ERBB4: variants seen among roughly 807,000 people sequenced by gnomAD.
ERBB4 encodes erb-b2 receptor tyrosine kinase 4, also known as receptor tyrosine-protein kinase erbB-4.
ERBB4 carries 42 observed loss-of-function variants against 158.0 expected under a neutral mutation model. The ratio of observed to expected loss-of-function variants is 0.27; its 90% confidence interval spans 0.21 to 0.34. The LOEUF (loss-of-function observed/expected upper bound fraction) is 0.34. ERBB4 is among the 10% of genes least tolerant of loss of function. The pLI is 1.00. For synonymous variants in ERBB4, 583 were observed against 558.7 expected, an observed-to-expected ratio of 1.04 and a Z score of -0.61; for missense variants, 1,333 against 1,624.1, an observed-to-expected ratio of 0.82 and a Z score of 3.08.
At chr2:211,801,859 T>G (rs1315242085) in intron 3 of ERBB4, among the ~76,000 whole-genome samples, 2 of 152,186 alleles carry the variant, frequency 1.3e-5, no homozygotes, top group East Asian at 3.8e-4. Flanking sequence ...ATATCATATT[T>G]GAAAGAATCT....
At chr2:212,460,391 A>G (rs2106066711) in intron 1 of ERBB4, among the ~76,000 whole-genome samples, 1 of 152,288 alleles carries the variant, frequency 6.6e-6, no homozygotes, top group African/African-American at 2.4e-5. Flanking sequence ...AAATGTGGGA[A>G]AGTTTGGAAC....
chr2:212,209,947 A>G (rs2082881274), intron 1 of ERBB4, among the ~76,000 whole-genome samples: 1 of 152,000 alleles, frequency 6.6e-6, no homozygotes, highest in African/African-American at 2.4e-5. Context: ...ACTGACCTGC[A>G]TTGTTTTTCA....
chr2:211,761,253 A>T (rs1265908177), intron 4 of ERBB4, among the ~76,000 whole-genome samples: 1 of 151,808 alleles, frequency 6.6e-6, no homozygotes, highest in Non-Finnish European at 1.5e-5. Flanking sequence ...TTATTTTTTA[A>T]AGGTAGAAAT....
intron 1 of ERBB4, among the ~76,000 whole-genome samples, chr2:212,277,210 G>A (rs1368034312): frequency 2.0e-5 from 3 of 151,758 alleles, no homozygotes; most frequent in Admixed American, 6.6e-5. Flanking sequence ...AAAGATCTAG[G>A]GAAGCATTTC....
rs369789435 is a variant in ERBB4, at chr2:211,704,267, A to C, written c.1199-73T>G. 9.5e-5 allele frequency: 91 copies of C among 957,738 alleles called. No individual in the cohort carries two copies. In the African/African-American group the frequency reaches 1.1e-3, roughly 12 times the overall value. 59.3% of individuals were successfully genotyped at this position (957,738 alleles called of 1,614,324 possible). On this transcript the variant is annotated intron_variant, in intron 10 of 27. Transcript: ENST00000342788. ...TATTAGTGCTGATTTTTCTTGAAATATGGTGAAAATGTGTTGAAAGTTGGG... is the reference window on the plus strand; with the variant it reads ...TATTAGTGCTGATTTTTCTTGAAATCTGGTGAAAATGTGTTGAAAGTTGGG...
intron 1 of ERBB4, among the ~76,000 whole-genome samples, chr2:212,477,156 A>G (rs574951016): frequency 6.6e-6 from 1 of 152,258 alleles, no homozygotes; most frequent in African/African-American, 2.4e-5. Flanking sequence ...TCAAAACTTC[A>G]TTAGGGTCTA....
At chr2:211,693,588 T>A (rs1162018359) in intron 12 of ERBB4, among the ~76,000 whole-genome samples, 1 of 152,132 alleles carries the variant, frequency 6.6e-6, no homozygotes, top group African/African-American at 2.4e-5. Context: ...GATGGGGGAA[T>A]AATATGGGGT....
At chr2:212,529,429 A>G (rs1313955598) in intron 1 of ERBB4, among the ~76,000 whole-genome samples, 1 of 152,216 alleles carries the variant, frequency 6.6e-6, no homozygotes, top group African/African-American at 2.4e-5. Flanking sequence ...AGCGTCTTAG[A>G]AACACACCAC....
intron 2 of ERBB4, among the ~76,000 whole-genome samples, chr2:212,075,075 T>C (rs1438574356): frequency 6.6e-6 from 1 of 151,924 alleles, no homozygotes; most frequent in South Asian, 2.1e-4. Flanking sequence ...ACATCTATTC[T>C]CTTCTCAGCC....
At chr2:211,584,393 A>T (rs11695852) in intron 19 of ERBB4, among the ~76,000 whole-genome samples, 1 of 151,758 alleles carries the variant, frequency 6.6e-6, no homozygotes, top group African/African-American at 2.4e-5. Context: ...GAGCAGAATA[A>T]CAATATGTTT....
At chr2:211,626,007 C>T (rs2069828137) in intron 17 of ERBB4, among the ~76,000 whole-genome samples, 1 of 152,122 alleles carries the variant, frequency 6.6e-6, no homozygotes, top group African/African-American at 2.4e-5. Context: ...TTTACAGACA[C>T]ATGGGTTTAA....
intron 1 of ERBB4, among the ~76,000 whole-genome samples, chr2:212,512,370 A>AC (rs142363075): frequency 6.6e-6 from 1 of 151,978 alleles, no homozygotes; most frequent in Non-Finnish European, 1.5e-5. Context: ...ACAAAAAAAA[A>AC]CAAATATGAT....
chr2:212,239,879 G>C (rs1325300544), intron 1 of ERBB4, among the ~76,000 whole-genome samples: 1 of 152,100 alleles, frequency 6.6e-6, no homozygotes, highest in Non-Finnish European at 1.5e-5. Context: ...CTTTTTAGAG[G>C]GGGAAAATCA....
chr2:212,202,589 C>T (rs1010304370), intron 1 of ERBB4, among the ~76,000 whole-genome samples: 8 of 152,034 alleles, frequency 5.3e-5, no homozygotes, highest in Admixed American at 1.3e-4. Context: ...AGTCCTCCCA[C>T]CTAAGCCTCC....
In ERBB4 at chr2:211,399,709, T is replaced by C. The variant is rs1387955566; in HGVS notation, c.3136-11717A>G. On this transcript the variant is annotated intron_variant, in intron 25 of 27. Coordinates refer to ENST00000342788, the MANE Select transcript of ERBB4 (RefSeq NM_005235.3). ...ATGCGATGAACATTTCACATTCAGC[T>C]ATAAAACTTCAAGATTCTATCACTA... Among the ~76,000 whole-genome samples, 12 of 152,256 alleles carry C rather than the reference T, an allele frequency of 7.9e-5. No individual in the cohort carries two copies. In the East Asian group the frequency reaches 2.1e-3, roughly 27 times the overall value.
At chr2:211,647,850 A>G (rs1246482070) in intron 16 of ERBB4, among the ~76,000 whole-genome samples, 1 of 151,740 alleles carries the variant, frequency 6.6e-6, no homozygotes, top group East Asian at 1.9e-4. Context: ...ACTCCCTTCT[A>G]GAACATTTTC....
intron 25 of ERBB4, among the ~76,000 whole-genome samples, chr2:211,401,351 TTTTTTACAGAGTA>T (rs2063038504): frequency 2.0e-5 from 3 of 152,076 alleles, no homozygotes; most frequent in Admixed American, 2.0e-4. Context: ...GAAATTCACA[TTTTTTACAGAGTA>T]TAGGTTGGCA....
At chr2:212,365,082 G>GA (rs917797163) in intron 1 of ERBB4, among the ~76,000 whole-genome samples, 16 of 150,394 alleles carry the variant, frequency 1.1e-4, no homozygotes, top group African/African-American at 1.7e-4. Context: ...TTTAATTTTT[G>GA]AAAAAAAATG....
intron 1 of ERBB4, among the ~76,000 whole-genome samples, chr2:212,287,934 A>G (rs2086059035): frequency 6.6e-6 from 1 of 152,146 alleles, no homozygotes; most frequent in Admixed American, 6.5e-5. Context: ...GGAGAGGATC[A>G]GTAAAAACAC....
Sources: gnomAD v4.1 joint callset for allele counts (sites outside exome capture counted in the v4.1 genomes callset) on GRCh38, gnomAD v4.1.1 for gene constraint, MANE v1.5 for transcripts, NCBI Gene and HGNC (gene_info 2026-07-23, HGNC 2026-07-21) for gene names.